Variants in TENM3 observed in about 807,000 individuals in gnomAD.
The protein encoded by TENM3 is teneurin transmembrane protein 3, also known as teneurin-3.
TENM3 carries 63 observed loss-of-function variants against 255.1 expected under a neutral mutation model. That is an observed-to-expected ratio of 0.25 (90% CI 0.20 to 0.30). TENM3 has a LOEUF of 0.30. TENM3 is among the 10% of genes least tolerant of loss of function. The pLI, the probability that TENM3 is intolerant of heterozygous loss-of-function variation, is 1.00. For synonymous variants in TENM3, 1,306 were observed against 1,322.3 expected (o/e 0.99, Z 0.27); for missense variants, 2,929 against 3,461.1 (o/e 0.85, Z 3.86).
At chr4:181,500,700 C>T in the TENM3 span, among the ~76,000 whole-genome samples, 1 of 152,124 alleles carries the variant, frequency 6.6e-6, no homozygotes, top group African/African-American at 2.4e-5. Context: ...TGTTTATATC[C>T]TCTGTCCCCA....
the TENM3 span, among the ~76,000 whole-genome samples, chr4:181,664,625 C>T: frequency 6.6e-6 from 1 of 152,188 alleles, no homozygotes. Context: ...GACTTCCAAG[C>T]TCACTGCTCA....
the TENM3 span, among the ~76,000 whole-genome samples, chr4:181,611,549 G>T: frequency 2.6e-5 from 4 of 152,018 alleles, no homozygotes; most frequent in Non-Finnish European, 4.4e-5. Flanking sequence ...ACTTCAAAAT[G>T]ACTCGTCTTG....
At chr4:181,653,309 C>T in the TENM3 span, among the ~76,000 whole-genome samples, 7 of 152,320 alleles carry the variant, frequency 4.6e-5, no homozygotes, top group Admixed American at 3.9e-4. Flanking sequence ...GAAGAATCTG[C>T]GTTTCTAACA....
the TENM3 span, among the ~76,000 whole-genome samples, chr4:181,581,249 C>T: frequency 6.6e-5 from 10 of 151,970 alleles, no homozygotes; most frequent in Admixed American, 6.6e-4. Flanking sequence ...GAGACCAGCC[C>T]GGCCAACATG....
At chr4:182,167,371 A>G (rs1579576491) in intron 1 of TENM3, among the ~76,000 whole-genome samples, 1 of 152,246 alleles carries the variant, frequency 6.6e-6, no homozygotes, top group Non-Finnish European at 1.5e-5. Context: ...AGTTGAATGA[A>G]TAACAGAAAG....
At chr4:182,058,336 G>A in the TENM3 span, among the ~76,000 whole-genome samples, 2 of 152,036 alleles carry the variant, frequency 1.3e-5, no homozygotes, top group Non-Finnish European at 2.9e-5. Context: ...CTATGTCTCT[G>A]GTGGCATAAA....
At chr4:181,656,869 C>T in the TENM3 span, among the ~76,000 whole-genome samples, 1 of 152,148 alleles carries the variant, frequency 6.6e-6, no homozygotes, top group African/African-American at 2.4e-5. Context: ...TAGATTTGAG[C>T]TTAGTATGTG....
At chr4:181,483,441 G>T in the TENM3 span, among the ~76,000 whole-genome samples, 1 of 152,024 alleles carries the variant, frequency 6.6e-6, no homozygotes, top group African/African-American at 2.4e-5. Context: ...TAATAAAGTG[G>T]AACTCTTTCA....
the TENM3 span, among the ~76,000 whole-genome samples, chr4:181,557,231 G>T: frequency 6.6e-6 from 1 of 152,126 alleles, no homozygotes; most frequent in Non-Finnish European, 1.5e-5. Context: ...CATTATAATT[G>T]TCTCCACTGT....
chr4:182,412,380 A>C (rs2151087588), intron 3 of TENM3, among the ~76,000 whole-genome samples: 1 of 152,366 alleles, frequency 6.6e-6, no homozygotes, highest in African/African-American at 2.4e-5. Flanking sequence ...AGAGAGACAG[A>C]GTCAGGGAAT....
intron 1 of TENM3, among the ~76,000 whole-genome samples, chr4:182,254,671 T>C (rs1758257450): frequency 6.6e-6 from 1 of 152,210 alleles, no homozygotes; most frequent in Admixed American, 6.5e-5. Flanking sequence ...TGGAGGAATT[T>C]GAACGTGTGT....
chr4:181,464,448 T>C, the TENM3 span, among the ~76,000 whole-genome samples: 2 of 152,222 alleles, frequency 1.3e-5, no homozygotes, highest in Admixed American at 6.5e-5. Context: ...GTATATCTTC[T>C]TTTGAGAAAT....
At chr4:182,441,171 G>A (rs1447631331) in intron 3 of TENM3, among the ~76,000 whole-genome samples, 6 of 151,890 alleles carry the variant, frequency 4.0e-5, no homozygotes, top group Non-Finnish European at 7.4e-5. Flanking sequence ...GTTTATGTTC[G>A]GTTTTATAAT....
chr4:181,786,872 G>A, the TENM3 span, among the ~76,000 whole-genome samples: 1 of 152,050 alleles, frequency 6.6e-6, no homozygotes, highest in Non-Finnish European at 1.5e-5. Context: ...AGAGCTTGCT[G>A]AGCCCCAACA....
At chr4:181,533,289 A>G in the TENM3 span, among the ~76,000 whole-genome samples, 1 of 152,322 alleles carries the variant, frequency 6.6e-6, no homozygotes, top group South Asian at 2.1e-4. Context: ...TGAAGAATTT[A>G]CAGGCCACTG....
At chr4:181,836,641 C>T in the TENM3 span, among the ~76,000 whole-genome samples, 20 of 152,266 alleles carry the variant, frequency 1.3e-4, no homozygotes, top group East Asian at 3.7e-3. Flanking sequence ...TTTCATTAGT[C>T]AGCTTATGCC....
chr4:181,854,778 A>T, the TENM3 span, among the ~76,000 whole-genome samples: 1 of 152,226 alleles, frequency 6.6e-6, no homozygotes, highest in African/African-American at 2.4e-5. Context: ...GTCATCATTT[A>T]TGAAGGATCA....
intron 1 of TENM3, among the ~76,000 whole-genome samples, chr4:182,313,302 A>G (rs1762558657): frequency 6.6e-6 from 1 of 151,844 alleles, no homozygotes; most frequent in African/African-American, 2.4e-5. Context: ...TAAATATACT[A>G]TTTATAGTTC....
chr4:181,817,825 G>A, the TENM3 span, among the ~76,000 whole-genome samples: 1 of 152,130 alleles, frequency 6.6e-6, no homozygotes, highest in East Asian at 1.9e-4. Context: ...CTCTAGAACT[G>A]TAAGAAATAA....
Sources: allele counts gnomAD v4.1 joint callset (sites outside exome capture counted in the v4.1 genomes callset), GRCh38; gene constraint gnomAD v4.1.1; transcripts MANE v1.5; gene names NCBI Gene and HGNC (gene_info 2026-07-23, HGNC 2026-07-21).